Variants in CLMN observed in about 807,000 individuals in gnomAD.
CLMN encodes the protein calmin (calponin-like, transmembrane).
Under a neutral mutation model 92.7 loss-of-function variants are expected in CLMN, and 57 were observed. The observed-to-expected ratio is 0.61, with a 90% confidence interval of 0.50 to 0.77. The LOEUF (loss-of-function observed/expected upper bound fraction) is 0.77. Ranked by LOEUF, CLMN falls within the 30% of genes least tolerant of loss-of-function variation. The pLI is 0.00. For synonymous variants in CLMN, 466 were observed against 470.6 expected (o/e 0.99, Z 0.13); for missense variants, 1,158 against 1,237.5 (o/e 0.94, Z 0.96).
chr14:95,194,041 C>A lies in CLMN; in HGVS notation c.2770-122G>T. On this transcript the variant is annotated intron_variant, in intron 11 of 12. Coordinates refer to ENST00000298912, the MANE Select transcript of CLMN (RefSeq NM_024734.4). The surrounding 1 kb of genome is among the most constrained non-coding windows in gnomAD (Gnocchi z 4.0). ...GAGCATGCCGGGCATTTCTCAATACCGCCAGCGTCTAGATCCAAAATCAAA... is the reference window on the plus strand; with the variant it reads ...GAGCATGCCGGGCATTTCTCAATACAGCCAGCGTCTAGATCCAAAATCAAA... The A allele has an allele frequency of 6.7e-7, 1 of 1,496,184 alleles. No homozygotes were observed. Among genetic ancestry groups the A allele is most frequent in the Non-Finnish European group, 8.9e-7 (1 of 1,126,990 alleles). The allele number at this position is 1,496,184 out of a possible 1,614,324, so 92.7% of individuals were successfully genotyped here.
At chr14:95,206,350 A>G (rs1470139745) in intron 8 of CLMN, among the ~76,000 whole-genome samples, 1 of 152,230 alleles carries the variant, frequency 6.6e-6, no homozygotes, top group Non-Finnish European at 1.5e-5. Flanking sequence ...TCCTGCATTA[A>G]TGGATCAGGA....
intron 1 of CLMN, among the ~76,000 whole-genome samples, chr14:95,236,595 C>A (rs1425269962): frequency 6.6e-6 from 1 of 152,090 alleles, no homozygotes; most frequent in East Asian, 1.9e-4. Context: ...ACACAATGAC[C>A]CGGCTCAGAG....
Position 95,194,104 on chromosome 14 carries a change from A to AGG in CLMN, c.2770-186_2770-185insCC, listed in dbSNP as rs1896632298. On this transcript the variant is annotated intron_variant, in intron 11 of 12. Coordinates refer to ENST00000298912, the MANE Select transcript of CLMN (RefSeq NM_024734.4). This position sits in a 1 kb window ranked among gnomAD's most constrained non-coding sequence, Gnocchi z 4.0. ...ATACATTCCTCTACCTCCTCCCCTAAGCCCCTCCCTTGTGAGTGCGAGAGA... is the reference window on the plus strand; with the variant it reads ...ATACATTCCTCTACCTCCTCCCCTAAGGGCCCCTCCCTTGTGAGTGCGAGAGA... The AGG allele has an allele frequency of 7.0e-7, 1 of 1,425,108 alleles. No individual in the cohort carries two copies. The highest frequency in any genetic ancestry group is 1.6e-5 in the South Asian group (1 of 63,888). 88.3% of individuals were successfully genotyped at this position (1,425,108 alleles called of 1,614,324 possible). A position where few individuals can be genotyped will look rare whatever the true frequency, so the allele number is the denominator to read the frequency against.
In CLMN at chr14:95,190,539, G is replaced by C. The variant is rs73333229; in HGVS notation, c.*1025C>G. On this transcript the variant is annotated 3_prime_UTR_variant, in exon 13 of 13. Coordinates refer to ENST00000298912, the MANE Select transcript of CLMN (RefSeq NM_024734.4). Reference sequence around the variant, plus strand: ...GAGAGCAGAGGGAGCCTGGGGCTGAGGAAGACTGGGGGCAGGGGTGCTAGA... The same window carrying C: ...GAGAGCAGAGGGAGCCTGGGGCTGACGAAGACTGGGGGCAGGGGTGCTAGA... 9.7e-3 allele frequency: 1,488 copies of C among 152,684 alleles called. 22 individuals are homozygous for C. Among genetic ancestry groups the C allele is most frequent in the African/African-American group, 0.034 (1,426 of 41,554 alleles). 9.5% of individuals were successfully genotyped at this position (152,684 alleles called of 1,614,324 possible). A position where few individuals can be genotyped will look rare whatever the true frequency, so the allele number is the denominator to read the frequency against.
Position 95,282,834 on chromosome 14 carries a change from A to C in CLMN, c.82+36877T>G, listed in dbSNP as rs536311896. ...TGGCTTACAGCCTCAAGTCAGCAGG[A>C]CCAGCACATTCTTTGCAGGAGCAGA... On this transcript the variant is annotated intron_variant, in intron 1 of 12. Transcript: ENST00000298912. Among the ~76,000 whole-genome samples, 3 of 152,390 alleles carry C rather than the reference A, an allele frequency of 2.0e-5. No individual in the cohort carries two copies. The East Asian group carries it at 5.8e-4, about 29-fold the overall frequency.
chr14:95,291,240 G>A (rs1190258850), intron 1 of CLMN, among the ~76,000 whole-genome samples: 1 of 152,200 alleles, frequency 6.6e-6, no homozygotes, highest in Non-Finnish European at 1.5e-5. Context: ...GTCTGCCTGG[G>A]GCTTGGCTCG....
rs1168222977 is a variant in CLMN at position 95,209,312 on chromosome 14, G to A, written c.885+83C>T. The A allele has an allele frequency of 6.3e-6, 8 of 1,276,672 alleles. No individual in the cohort carries two copies. In the Admixed American group the frequency reaches 6.8e-5, roughly 11 times the overall value. The allele number at this position is 1,276,672 out of a possible 1,614,324, so 79.1% of individuals were successfully genotyped here. On this transcript the variant is annotated intron_variant, in intron 8 of 12. Transcript: ENST00000298912. Reference sequence around the variant, plus strand: ...TTGACTGCTAGTTACACAGAGCAACGCTGCCCACGTCCCTGCTTCGTCTGA... The same window carrying A: ...TTGACTGCTAGTTACACAGAGCAACACTGCCCACGTCCCTGCTTCGTCTGA...
chr14:95,191,813 C>T lies in CLMN; in HGVS notation c.2841-81G>A. 1 of 1,395,370 alleles carries T rather than the reference C, an allele frequency of 7.2e-7. No homozygotes were observed. The highest frequency in any genetic ancestry group is 1.4e-5 in the South Asian group (1 of 73,798). 86.4% of individuals were successfully genotyped at this position (1,395,370 alleles called of 1,614,324 possible). A position where few individuals can be genotyped will look rare whatever the true frequency, so the allele number is the denominator to read the frequency against. ...ACCCCACCCAGTGCTACCCGTCTCT[C>T]CCCGGCCCCCACTCCCCGCCTGAAG... On this transcript the variant is annotated intron_variant, in intron 12 of 12. Coordinates refer to ENST00000298912, the MANE Select transcript of CLMN (RefSeq NM_024734.4). The surrounding 1 kb of genome is among the most constrained non-coding windows in gnomAD (Gnocchi z 5.3).
chr14:95,314,061 A>G (rs896796771), intron 1 of CLMN, among the ~76,000 whole-genome samples: 5 of 152,184 alleles, frequency 3.3e-5, no homozygotes, highest in East Asian at 1.9e-4. Context: ...TCTGCTGCCA[A>G]CTGGACTGAG....
chr14:95,248,441 G>C (rs577539560), intron 1 of CLMN, among the ~76,000 whole-genome samples: 2 of 152,276 alleles, frequency 1.3e-5, no homozygotes, highest in South Asian at 4.1e-4. Context: ...TCGAAGAAAT[G>C]AGAGCGAGGT....
chr14:95,280,259 G>A (rs1490562537), intron 1 of CLMN, among the ~76,000 whole-genome samples: 2 of 152,166 alleles, frequency 1.3e-5, no homozygotes, highest in Non-Finnish European at 2.9e-5. Context: ...TGGTCAAACT[G>A]ATTAAAGTTG....
chr14:95,217,545 T>C (rs1296970158), intron 4 of CLMN, among the ~76,000 whole-genome samples: 1 of 152,190 alleles, frequency 6.6e-6, no homozygotes, highest in African/African-American at 2.4e-5. Flanking sequence ...CGGATTCAGG[T>C]TCAGTACTAT....
chr14:95,256,328 T>C lies in CLMN; in HGVS notation c.83-26195A>G, dbSNP rs1038208333. 1.7e-4 allele frequency among the ~76,000 whole-genome samples: 26 copies of C among 152,230 alleles called. No individual in the cohort carries two copies. Among genetic ancestry groups the C allele is most frequent in the Admixed American group, 1.7e-3 (26 of 15,284 alleles). On this transcript the variant is annotated intron_variant, in intron 1 of 12. Coordinates refer to ENST00000298912, the MANE Select transcript of CLMN (RefSeq NM_024734.4). The surrounding 1 kb of genome is among the most constrained non-coding windows in gnomAD (Gnocchi z 4.9). Reference sequence around the variant, plus strand: ...ACAGACTGATCAGGCTTCATGAATGTTTAATGGGATGGAACCCTCCTTGTT... The same window carrying C: ...ACAGACTGATCAGGCTTCATGAATGCTTAATGGGATGGAACCCTCCTTGTT...
At chr14:95,244,447 T>C (rs915391928) in intron 1 of CLMN, among the ~76,000 whole-genome samples, 3 of 152,158 alleles carry the variant, frequency 2.0e-5, no homozygotes, top group Admixed American at 6.5e-5. Context: ...AAGACAAGCT[T>C]TGAGATACTG....
chr14:95,218,349 C>A (rs2140609693), intron 4 of CLMN, among the ~76,000 whole-genome samples: 1 of 152,336 alleles, frequency 6.6e-6, no homozygotes, highest in South Asian at 2.1e-4. Flanking sequence ...ACTTGCAAGT[C>A]ATAGAGCTGG....
In CLMN at chr14:95,256,996, G is replaced by A. The variant is rs944771569; in HGVS notation, c.83-26863C>T. The stretch of plus-strand genomic sequence containing the variant: ...GTGTTCTGAGACTGGTTAAGCCCAC[G>A]CTCCTTGACAGACAGGAGGGGGACA... On this transcript the variant is annotated intron_variant, in intron 1 of 12. Transcript: ENST00000298912. This position sits in a 1 kb window ranked among gnomAD's most constrained non-coding sequence, Gnocchi z 4.9. 6.6e-6 allele frequency among the ~76,000 whole-genome samples: 1 copy of A among 152,210 alleles called. No individual in the cohort carries two copies. The highest frequency in any genetic ancestry group is 1.5e-5 in the Non-Finnish European group (1 of 68,044).
chr14:95,243,412 T>C (rs989885460), intron 1 of CLMN, among the ~76,000 whole-genome samples: 4 of 152,102 alleles, frequency 2.6e-5, no homozygotes, highest in African/African-American at 4.8e-5. Context: ...CTACTTGAAT[T>C]TTCTCCCGCC....
rs1566867899 is a variant in CLMN at position 95,209,427 on chromosome 14, G to C, written c.853C>G (p.Gln285Glu). 2 of 1,614,156 alleles carry C rather than the reference G, an allele frequency of 1.2e-6. No homozygotes were observed. Among genetic ancestry groups the C allele is most frequent in the Non-Finnish European group, 1.7e-6 (2 of 1,180,014 alleles). Residue 285 changes from glutamine (Q) to glutamate (E), a missense_variant, in exon 8 of 13, where the codon CAG becomes GAG. Transcript: ENST00000298912. ...AACTCCGGAAAACGTTCTAGAAACT[G>C]TGCCACGTAAGTCATGATAGACTGC... is the stretch of plus-strand genomic sequence containing the variant. ...DEQSIMTYVA[Q>E]FLERFPELEA...
chr14:95,318,901 C>T (rs1901913648), intron 1 of CLMN, among the ~76,000 whole-genome samples: 1 of 152,180 alleles, frequency 6.6e-6, no homozygotes, highest in African/African-American at 2.4e-5. Flanking sequence ...TATTTTTGTG[C>T]TTTCTAAGTT....
Sources: gnomAD v4.1 joint callset for allele counts (sites outside exome capture counted in the v4.1 genomes callset) on GRCh38, gnomAD v4.1.1 for gene constraint, Gnocchi (gnomAD v3.1) non-coding constraint, MANE v1.5 for transcripts, NCBI Gene and HGNC (gene_info 2026-07-23, HGNC 2026-07-21) for gene names.